LAT2: variants seen among roughly 807,000 people sequenced by gnomAD.
LAT2 encodes the protein linker for activation of T cells family member 2, also known as linker for activation of T-cells family member 2.
Under a neutral mutation model 43.4 loss-of-function variants are expected in LAT2, and 23 were observed. The observed-to-expected ratio is 0.53, with a 90% CI of 0.38 to 0.75. The LOEUF is 0.75. Ranked by LOEUF, LAT2 falls within the 30% of genes least tolerant of loss-of-function variation. The pLI is 0.00. For synonymous variants in LAT2, 128 were observed against 123.2 expected (o/e 1.04, Z -0.26); for missense variants, 284 against 310.2 (o/e 0.92, Z 0.64).
intron 1 of LAT2, 102 bp from the exon 2 acceptor site, chr7:74,214,720 A>T (rs1263446380): frequency 2.7e-4 from 28 of 102,928 alleles, no homozygotes; most frequent in East Asian, 2.4e-3. Context: ...AATATATATA[A>T]AAATATAAAT....
intron 1 of LAT2, among the ~76,000 whole-genome samples, chr7:74,213,101 G>A (rs962982909): frequency 2.6e-5 from 4 of 152,082 alleles, no homozygotes; most frequent in Admixed American, 2.0e-4. Context: ...AGGCAGCCTG[G>A]AGCTCCTCCA....
rs1033899020 is a variant in LAT2, at chr7:74,220,759, C to T, written c.332+25C>T. ...TGTGAGTGACCTTGATCCTGTCCCC[C>T]CTGCCTCGCCTCTCCCCCTGCCCCA... On this transcript the variant is annotated intron_variant, in intron 9 of 13. Coordinates refer to ENST00000460943, the MANE Select transcript of LAT2 (RefSeq NM_032464.3). This position sits in a 1 kb window ranked among gnomAD's most constrained non-coding sequence, Gnocchi z 4.5. 6 of 1,511,106 alleles carry T rather than the reference C, an allele frequency of 4.0e-6. No homozygotes were observed. Among genetic ancestry groups the T allele is most frequent in the South Asian group, 3.8e-5 (3 of 79,756 alleles). 93.6% of individuals were successfully genotyped at this position (1,511,106 alleles called of 1,614,324 possible).
Position 74,216,834 on chromosome 7 carries a change from G to A in LAT2, c.104G>A (p.Arg35Lys). The A allele has an allele frequency of 1.2e-6, 2 of 1,613,872 alleles. No individual in the cohort carries two copies. The highest frequency in any genetic ancestry group is 2.2e-5 in the South Asian group (2 of 91,058). The change falls in exon 4 of 14, where the codon AGG becomes AAG. Residue 35 changes from arginine to lysine, a missense_variant. By Grantham distance (26) the Arg-to-Lys change is conservative. Coordinates refer to ENST00000460943, the MANE Select transcript of LAT2 (RefSeq NM_032464.3). ...CVRCSRPGAK[R>K]SEKIYQQRSL... ...TGGCCTTTTCTTGCAGGTGCAAAGA[G>A]GTCAGAGAAAATCTACCAGCAGAGA...
chr7:74,220,266 AGGGCAG>A lies in LAT2; in HGVS notation c.265+15_265+20del, dbSNP rs1802214965. 1 of 1,610,960 alleles carries A rather than the reference AGGGCAG, an allele frequency of 6.2e-7. No individual in the cohort carries two copies. Among genetic ancestry groups the A allele is most frequent in the Admixed American group, 1.7e-5 (1 of 59,664 alleles). On this transcript the variant is annotated intron_variant, in intron 7 of 13. Transcript: ENST00000460943. The surrounding 1 kb of genome is among the most constrained non-coding windows in gnomAD (Gnocchi z 4.5). ...CCCCAGCCTGGAGGGTGAGTGGCAC[AGGGCAG>A]GGACAGGGACAGGCCTAGCCAAGCT...
At chr7:74,214,239 AAAATATATATAT>A (rs1270831796) in intron 1 of LAT2, among the ~76,000 whole-genome samples, 2 of 84,058 alleles carry the variant, frequency 2.4e-5, no homozygotes, top group Non-Finnish European at 4.3e-5. Context: ...AATATATATG[AAAATATATATAT>A]AAATATATAT....
intron 11 of LAT2, 39 bp downstream of exon 11, chr7:74,223,822 C>T (rs1164636050): frequency 6.3e-7 from 1 of 1,597,846 alleles, no homozygotes; most frequent in African/African-American, 1.3e-5. Flanking sequence ...GGGCTGGGAG[C>T]AGCAGGCCTC....
At chr7:74,214,776 A>AAAT (rs1563968786) in intron 1 of LAT2, 46 bp from the exon 2 acceptor site, 4 of 60,952 alleles carry the variant, frequency 6.6e-5, no homozygotes, top group East Asian at 4.3e-4. Context: ...TATATATATA[A>AAAT]ATATATATAT....
chr7:74,213,410 T>C (rs1554713417), intron 1 of LAT2, among the ~76,000 whole-genome samples: 2 of 141,478 alleles, frequency 1.4e-5, no homozygotes, highest in Admixed American at 1.4e-4. Context: ...CATGAGCCAC[T>C]GTGCCCGGCC....
intron 12 of LAT2, 124 bp from the exon 13 acceptor site, chr7:74,224,515 G>A: frequency 1.2e-6 from 1 of 806,862 alleles, no homozygotes; most frequent in East Asian, 2.7e-5. Flanking sequence ...ACACCGCCAG[G>A]ACCTGTCGGG....
rs1554715071 is a variant in LAT2, at chr7:74,220,672, G to A, written c.302-32G>A. 1.2e-6 allele frequency: 2 copies of A among 1,613,336 alleles called. No homozygotes were observed. The highest frequency in any genetic ancestry group is 1.7e-5 in the Admixed American group (1 of 59,972). On this transcript the variant is annotated intron_variant, in intron 8 of 13. Coordinates refer to ENST00000460943, the MANE Select transcript of LAT2 (RefSeq NM_032464.3). This position sits in a 1 kb window ranked among gnomAD's most constrained non-coding sequence, Gnocchi z 4.5. The stretch of plus-strand genomic sequence containing the variant: ...GGCCATGGTGGGGGCCACACCCAGG[G>A]GCTCAGGCCCAATTCTCGCCTCCTC...
intron 4 of LAT2, among the ~76,000 whole-genome samples, chr7:74,219,229 G>C (rs1424592322): frequency 2.0e-5 from 3 of 152,072 alleles, no homozygotes; most frequent in East Asian, 3.9e-4. Context: ...GTAGAGACGG[G>C]GTGAGTGTGT....
At chr7:74,210,727 C>T (rs935260516) in intron 1 of LAT2, among the ~76,000 whole-genome samples, 1 of 152,150 alleles carries the variant, frequency 6.6e-6, no homozygotes, top group Non-Finnish European at 1.5e-5. Context: ...GCGGGAGGAT[C>T]ATTTGAAGTC....
At chr7:74,224,256 C>T in intron 12 of LAT2, 59 bp downstream of exon 12, 4 of 1,557,334 alleles carry the variant, frequency 2.6e-6, no homozygotes, top group Non-Finnish European at 3.5e-6. Flanking sequence ...AGGGACTGGC[C>T]TGGAAGGGCA....
intron 13 of LAT2, 77 bp downstream of exon 13, chr7:74,224,837 G>C (rs1802427256): frequency 4.6e-6 from 5 of 1,098,354 alleles, no homozygotes; most frequent in Non-Finnish European, 6.5e-6. Context: ...CAATCCAAGG[G>C]AACAGCCGAG....
intron 13 of LAT2, chr7:74,225,115 G>A (rs995024025): frequency 5.7e-6 from 1 of 175,566 alleles, no homozygotes; most frequent in Non-Finnish European, 1.2e-5. Flanking sequence ...ACACACGGCC[G>A]GGCACGGTGG....
At chr7:74,210,513 C>T (rs544502222) in intron 1 of LAT2, among the ~76,000 whole-genome samples, 1 of 152,258 alleles carries the variant, frequency 6.6e-6, no homozygotes, top group East Asian at 1.9e-4. Flanking sequence ...GTGAAGAACC[C>T]CCACTGCCTC....
chr7:74,214,283 T>A (rs1221264089), intron 1 of LAT2, among the ~76,000 whole-genome samples: 6 of 86,322 alleles, frequency 7.0e-5, no homozygotes, highest in African/African-American at 1.0e-4. Flanking sequence ...TATATATAAA[T>A]ATATATATGA....
At chr7:74,228,340 G>A (rs1433189758) in intron 13 of LAT2, among the ~76,000 whole-genome samples, 2 of 149,058 alleles carry the variant, frequency 1.3e-5, no homozygotes, top group Non-Finnish European at 3.0e-5. Context: ...GCCGGGCATG[G>A]TGGCAGGCGC....
rs1368869462 is a variant in LAT2, at chr7:74,229,032, C to T, written c.*107C>T. ...CCAGAGCTACTCAACTTTTAAGCCC[C>T]TGCCATGGTTGCTCCTGGAAGGAGA... On this transcript the variant is annotated 3_prime_UTR_variant, in exon 14 of 14. Coordinates refer to ENST00000460943, the MANE Select transcript of LAT2 (RefSeq NM_032464.3). The T allele has an allele frequency of 6.6e-6, 1 of 152,316 alleles. No homozygotes were observed. The highest frequency in any genetic ancestry group is 1.5e-5 in the Non-Finnish European group (1 of 68,136). 9.4% of individuals were successfully genotyped at this position (152,316 alleles called of 1,614,324 possible). A position where few individuals can be genotyped will look rare whatever the true frequency, so the allele number is the denominator to read the frequency against.
Sources: gnomAD v4.1 joint callset for allele counts (sites outside exome capture counted in the v4.1 genomes callset) on GRCh38, gnomAD v4.1.1 for gene constraint, Gnocchi (gnomAD v3.1) non-coding constraint, MANE v1.5 for transcripts, NCBI Gene and HGNC (gene_info 2026-07-23, HGNC 2026-07-21) for gene names.